The following MLLT3 variants were observed in gnomAD, a reference collection of about 807,000 sequenced individuals.
MLLT3 encodes the protein protein AF-9.
In MLLT3, 4 loss-of-function variants were observed where a neutral mutation model predicts 53.2. That is an observed-to-expected ratio of 0.08 (90% confidence interval 0.04 to 0.17). The LOEUF (loss-of-function observed/expected upper bound fraction) is 0.17, where lower values mean the gene tolerates loss of function less well. Ranked by LOEUF, MLLT3 falls within the 10% of genes least tolerant of loss-of-function variation. The pLI is 1.00. For synonymous variants in MLLT3, 283 were observed against 230.6 expected (o/e 1.23, Z -2.06); for missense variants, 569 against 684.0 (o/e 0.83, Z 1.87).
At chr9:20,500,514 G>A (rs1825195372) in intron 2 of MLLT3, among the ~76,000 whole-genome samples, 1 of 152,182 alleles carries the variant, frequency 6.6e-6, no homozygotes, top group Non-Finnish European at 1.5e-5. Context: ...AATCAACTGT[G>A]AGAAGAGCAT....
intron 2 of MLLT3, among the ~76,000 whole-genome samples, chr9:20,493,342 G>C (rs879307519): frequency 1.7e-4 from 26 of 151,862 alleles, no homozygotes; most frequent in Non-Finnish European, 2.9e-4. Flanking sequence ...GTTAAAGATA[G>C]AACCAGGTTA....
chr9:20,438,312 G>A (rs1358297249), intron 4 of MLLT3, among the ~76,000 whole-genome samples: 1 of 152,232 alleles, frequency 6.6e-6, no homozygotes. Context: ...CATAGGAAGT[G>A]TGGCCAATGG....
At chr9:20,535,240 C>T (rs1293886001) in intron 2 of MLLT3, among the ~76,000 whole-genome samples, 1 of 152,192 alleles carries the variant, frequency 6.6e-6, no homozygotes, top group African/African-American at 2.4e-5. Context: ...TGGTTGTGCA[C>T]TCCTTATAAG....
In MLLT3 at chr9:20,407,967, G is replaced by A. The variant is rs111297812; in HGVS notation, c.1125+5754C>T. Among the ~76,000 whole-genome samples the A allele has an allele frequency of 3.3e-5, 5 of 152,174 alleles. 1 individual carries two copies. Among genetic ancestry groups the A allele is most frequent in the African/African-American group, 1.2e-4 (5 of 41,520 alleles). ...GCTTTATGTCTAAAGATGACAAATG[G>A]GATAATTCCATCAAATGCATAGGTC... On this transcript the variant is annotated intron_variant, in intron 5 of 10. Transcript: ENST00000380338.
chr9:20,410,658 G>C (rs1822705431), intron 5 of MLLT3: 2 of 151,914 alleles, frequency 1.3e-5, no homozygotes, highest in Non-Finnish European at 2.9e-5. Context: ...CACATACAAA[G>C]GATATGAAAA....
chr9:20,384,503 A>G (rs970098052), intron 5 of MLLT3, among the ~76,000 whole-genome samples: 13 of 152,146 alleles, frequency 8.5e-5, no homozygotes, highest in Non-Finnish European at 1.5e-4. Flanking sequence ...TTCCTAAGAA[A>G]TAAGAGAATT....
At chr9:20,473,990 G>A (rs1824459457) in intron 2 of MLLT3, among the ~76,000 whole-genome samples, 1 of 152,080 alleles carries the variant, frequency 6.6e-6, no homozygotes, top group African/African-American at 2.4e-5. Context: ...AATGCCTACA[G>A]ACTTGGAATA....
intron 2 of MLLT3, among the ~76,000 whole-genome samples, chr9:20,459,100 G>A (rs917103680): frequency 5.9e-5 from 9 of 152,060 alleles, no homozygotes. Context: ...TATATGTAAG[G>A]AAACAGAAGC....
intron 2 of MLLT3, among the ~76,000 whole-genome samples, chr9:20,561,133 G>A (rs1475155904): frequency 2.0e-5 from 3 of 151,978 alleles, no homozygotes; most frequent in Admixed American, 2.0e-4. Flanking sequence ...ATGCATGCAC[G>A]CACACACACG....
rs1823746889 is a variant in MLLT3 at position 20,448,023 on chromosome 9, C to T, written c.420+100G>A. ...ATCATTTCTTTTACCTCTCCCAAAA[C>T]CTTATACTTTTTAACACATGAGGAA... On this transcript the variant is annotated intron_variant, in intron 4 of 10. Coordinates refer to ENST00000380338, the MANE Select transcript of MLLT3 (RefSeq NM_004529.4). The surrounding 1 kb of genome is among the most constrained non-coding windows in gnomAD (Gnocchi z 4.0). 7.4e-7 allele frequency: 1 copy of T among 1,352,224 alleles called. No homozygotes were observed. Among genetic ancestry groups the T allele is most frequent in the Admixed American group, 2.2e-5 (1 of 46,156 alleles). 83.8% of individuals were successfully genotyped at this position (1,352,224 alleles called of 1,614,324 possible). A position where few individuals can be genotyped will look rare whatever the true frequency, so the allele number is the denominator to read the frequency against.
chr9:20,358,948 C>T (rs1821245572), intron 8 of MLLT3, among the ~76,000 whole-genome samples: 1 of 151,820 alleles, frequency 6.6e-6, no homozygotes, highest in Non-Finnish European at 1.5e-5. Flanking sequence ...AGATCGAGAC[C>T]ATCCTGGCCA....
rs964797046 is a variant in MLLT3, at chr9:20,448,481, T to G, written c.277-215A>C. ...AATTAGTTTCTTGTGTTAGGGGAAA[T>G]GAAATAAGAAAAACTTCTCTTCTTC... On this transcript the variant is annotated intron_variant, in intron 3 of 10. Transcript: ENST00000380338. The surrounding 1 kb of genome is among the most constrained non-coding windows in gnomAD (Gnocchi z 4.0). 6.6e-6 allele frequency among the ~76,000 whole-genome samples: 1 copy of G among 151,902 alleles called. No individual in the cohort carries two copies. The highest frequency in any genetic ancestry group is 1.5e-5 in the Non-Finnish European group (1 of 67,964).
chr9:20,461,899 C>T (rs753453651), intron 2 of MLLT3, among the ~76,000 whole-genome samples: 1 of 152,190 alleles, frequency 6.6e-6, no homozygotes, highest in African/African-American at 2.4e-5. Context: ...ATCAAACTCT[C>T]TCTATATATA....
chr9:20,544,741 C>T (rs749424055), intron 2 of MLLT3, among the ~76,000 whole-genome samples: 1 of 152,038 alleles, frequency 6.6e-6, no homozygotes, highest in Non-Finnish European at 1.5e-5. Context: ...GGTATATATC[C>T]ATAGGAAATG....
chr9:20,568,181 G>A (rs917488943), intron 2 of MLLT3, among the ~76,000 whole-genome samples: 1 of 152,120 alleles, frequency 6.6e-6, no homozygotes, highest in Non-Finnish European at 1.5e-5. Context: ...TGATGTCTAG[G>A]ACTGACTTCA....
At chr9:20,540,426 G>A (rs1050875938) in intron 2 of MLLT3, among the ~76,000 whole-genome samples, 2 of 152,192 alleles carry the variant, frequency 1.3e-5, no homozygotes, top group African/African-American at 4.8e-5. Flanking sequence ...TGAAATCTAG[G>A]CAGAGGTTCC....
chr9:20,517,699 G>A (rs1042176330), intron 2 of MLLT3, among the ~76,000 whole-genome samples: 29 of 152,070 alleles, frequency 1.9e-4, no homozygotes, highest in African/African-American at 5.8e-4. Context: ...AGCCGGGTGT[G>A]CTGGTGTGGT....
At chr9:20,420,787 C>T (rs954119584) in intron 4 of MLLT3, among the ~76,000 whole-genome samples, 1 of 152,086 alleles carries the variant, frequency 6.6e-6, no homozygotes, top group Non-Finnish European at 1.5e-5. Context: ...TGTTGGTGTG[C>T]TGCACCCATT....
rs1037879158 is a variant in MLLT3, at chr9:20,622,317, C to A, written c.-61G>T. 4.8e-6 allele frequency: 7 copies of A among 1,458,804 alleles called. No individual in the cohort carries two copies. The highest frequency in any genetic ancestry group is 6.4e-6 in the Non-Finnish European group (7 of 1,087,446). The allele number at this position is 1,458,804 out of a possible 1,614,324, so 90.4% of individuals were successfully genotyped here. ...GGTACCCCCCCCTCCTCCGCCCCCC[C>A]TCAGCTGTAATTCATGAAGAGGCTG... On this transcript the variant is annotated 5_prime_UTR_variant, in exon 1 of 11. It adds an upstream start codon to the 5' untranslated region. Transcript: ENST00000380338.
Sources: allele counts gnomAD v4.1 joint callset (sites outside exome capture counted in the v4.1 genomes callset), GRCh38; gene constraint gnomAD v4.1.1; non-coding constraint Gnocchi (gnomAD v3.1); transcripts MANE v1.5; gene names NCBI Gene and HGNC (gene_info 2026-07-23, HGNC 2026-07-21).